The following IL1RAP variants were observed in gnomAD, a reference collection of about 807,000 sequenced individuals.
IL1RAP encodes the protein interleukin-1 receptor accessory protein.
Under a neutral mutation model 60.7 loss-of-function variants are expected in IL1RAP, and 35 were observed. The observed-to-expected ratio is 0.58, with a 90% CI of 0.44 to 0.76. IL1RAP has a LOEUF of 0.76. Ranked by LOEUF, IL1RAP falls within the 30% of genes least tolerant of loss-of-function variation. The pLI is 0.00. For missense variants in IL1RAP, 572 were observed against 693.9 expected (o/e 0.82, Z 1.97); for synonymous variants, 268 against 250.9 (o/e 1.07, Z -0.64).
intron 7 of IL1RAP, among the ~76,000 whole-genome samples, chr3:190,626,150 A>G (rs1732243606): frequency 6.6e-6 from 1 of 152,206 alleles, no homozygotes; most frequent in South Asian, 2.1e-4. Context: ...CTGGGATGGA[A>G]GGTCAGTCTA....
At position 190,608,927 on chromosome 3, in the gene IL1RAP, T is replaced by C. The variant is rs1730589555; in HGVS notation, c.351-68T>C. On this transcript the variant is annotated intron_variant, in intron 4 of 11. Transcript: ENST00000447382. ...ATGTAGCCTGGCTTCACTTAGTTCATTTGAATGTGGTTGCTCTATGAAATC... is the reference window on the plus strand; with the variant it reads ...ATGTAGCCTGGCTTCACTTAGTTCACTTGAATGTGGTTGCTCTATGAAATC... 8.1e-6 allele frequency: 10 copies of C among 1,236,852 alleles called. 1 individual carries two copies. In the South Asian group the frequency reaches 1.1e-4, roughly 14 times the overall value. 76.6% of individuals were successfully genotyped at this position (1,236,852 alleles called of 1,614,324 possible). A position where few individuals can be genotyped will look rare whatever the true frequency, so the allele number is the denominator to read the frequency against.
intron 5 of IL1RAP, among the ~76,000 whole-genome samples, chr3:190,610,362 A>C (rs1164831351): frequency 1.3e-5 from 2 of 152,048 alleles, no homozygotes; most frequent in African/African-American, 4.8e-5. Flanking sequence ...AGAAATATCC[A>C]AAAATTATAT....
intron 4 of IL1RAP, among the ~76,000 whole-genome samples, chr3:190,608,387 A>G (rs1417526598): frequency 6.6e-6 from 1 of 152,190 alleles, no homozygotes; most frequent in African/African-American, 2.4e-5. Context: ...CACAGTTAAC[A>G]TACAATATAA....
intron 1 of IL1RAP, among the ~76,000 whole-genome samples, chr3:190,521,359 A>C (rs10212103): frequency 0.37 from 55,583 of 151,722 alleles, 11,405 homozygotes; most frequent in African/African-American, 0.56. Flanking sequence ...GTTTTACATC[A>C]TGAGTCTCAA....
chr3:190,615,706 C>T (rs1035534116), intron 5 of IL1RAP, among the ~76,000 whole-genome samples: 4 of 68,912 alleles, frequency 5.8e-5, no homozygotes, highest in African/African-American at 1.2e-4. Flanking sequence ...TATATTACCT[C>T]CACTTTTCAT....
intron 11 of IL1RAP, among the ~76,000 whole-genome samples, chr3:190,647,315 A>G (rs1734084996): frequency 6.6e-6 from 1 of 152,180 alleles, no homozygotes; most frequent in Non-Finnish European, 1.5e-5. Flanking sequence ...GGGCAAAATG[A>G]CTTCATAAAG....
intron 3 of IL1RAP, among the ~76,000 whole-genome samples, chr3:190,601,960 C>T (rs949367114): frequency 3.3e-5 from 5 of 152,160 alleles, no homozygotes; most frequent in African/African-American, 9.7e-5. Flanking sequence ...TCGTCACACA[C>T]CACACAATCA....
intron 8 of IL1RAP, 95 bp downstream of exon 8, chr3:190,627,544 T>C: frequency 7.1e-7 from 1 of 1,411,920 alleles, no homozygotes; most frequent in Non-Finnish European, 9.3e-7. Flanking sequence ...AAAATTCTCA[T>C]TTTTCCCTAT....
At chr3:190,630,499 A>G (rs1249925555) in intron 9 of IL1RAP, among the ~76,000 whole-genome samples, 1 of 152,208 alleles carries the variant, frequency 6.6e-6, no homozygotes, top group Admixed American at 6.5e-5. Context: ...TAATTGTTAC[A>G]TTTTACAGAG....
At chr3:190,608,725 A>G (rs28611053) in intron 4 of IL1RAP, among the ~76,000 whole-genome samples, 100,927 of 152,056 alleles carry the variant, frequency 0.66, 34,527 homozygotes, top group East Asian at 0.82. Context: ...ACACATGACT[A>G]TTTATATACA....
At chr3:190,593,624 A>G (rs936254111) in intron 3 of IL1RAP, among the ~76,000 whole-genome samples, 1 of 152,042 alleles carries the variant, frequency 6.6e-6, no homozygotes. Flanking sequence ...GGCAAGAGAG[A>G]CTGTGTGCAG....
At position 190,618,063 on chromosome 3, in the gene IL1RAP, C is replaced by T. The variant is rs76484156; in HGVS notation, c.538-2212C>T. On this transcript the variant is annotated intron_variant, in intron 5 of 11. Coordinates refer to ENST00000447382, the MANE Select transcript of IL1RAP (RefSeq NM_002182.4). ...TTTACCACTGATTGCAGGAATTAGC[C>T]TGTTTTAAGTGATAGAGCCACATCA... is the stretch of plus-strand genomic sequence containing the variant. Among the ~76,000 whole-genome samples, 168 of 152,308 alleles carry T rather than the reference C, an allele frequency of 1.1e-3. 1 individual carries two copies. The highest frequency in any genetic ancestry group is 3.9e-3 in the African/African-American group (162 of 41,550).
Position 190,648,430 on chromosome 3 carries a change from C to T in IL1RAP, c.1438C>T (p.Leu480Phe). 6.2e-7 allele frequency: 1 copy of T among 1,614,152 alleles called. No homozygotes were observed. The highest frequency in any genetic ancestry group is 8.5e-7 in the Non-Finnish European group (1 of 1,180,020). ...CTACGTGCTCCAGGGAACCCAAGCC[C>T]TCCTGGAGCTCAAGGCTGGCCTAGA... Reference protein sequence around the residue: ...PNYVLQGTQALLELKAGLENM... With the variant: ...PNYVLQGTQAFLELKAGLENM... Residue 480 changes from leucine (L) to phenylalanine (F), a missense_variant, in exon 12 of 12, where the codon CTC becomes TTC. Leu to Phe is a conservative substitution (Grantham distance 22). Coordinates refer to ENST00000447382, the MANE Select transcript of IL1RAP (RefSeq NM_002182.4).
intron 1 of IL1RAP, among the ~76,000 whole-genome samples, chr3:190,538,031 C>G (rs1478946889): frequency 2.0e-5 from 3 of 152,124 alleles, no homozygotes; most frequent in Non-Finnish European, 2.9e-5. Flanking sequence ...TCCACTGTCT[C>G]TGTGATTCTT....
chr3:190,654,241 G>C (rs1168386256), downstream of IL1RAP, among the ~76,000 whole-genome samples: 4 of 124,952 alleles, frequency 3.2e-5, no homozygotes, highest in Non-Finnish European at 4.9e-5. Flanking sequence ...ATTTGCATGA[G>C]TTCTCTTTGT....
chr3:190,653,925 G>T (rs1250177337), downstream of IL1RAP, among the ~76,000 whole-genome samples: 2 of 152,012 alleles, frequency 1.3e-5, no homozygotes, highest in African/African-American at 4.8e-5. Context: ...TATAGCCCAG[G>T]ACCTTTCTGA....
chr3:190,655,494 A>T (rs1344096316), downstream of IL1RAP, among the ~76,000 whole-genome samples: 1 of 152,114 alleles, frequency 6.6e-6, no homozygotes, highest in African/African-American at 2.4e-5. Flanking sequence ...ATTTGTAAAC[A>T]GAGCTGAAAT....
At chr3:190,652,405 T>A (rs2108872074), downstream of IL1RAP, among the ~76,000 whole-genome samples, 1 of 150,698 alleles carries the variant, frequency 6.6e-6, no homozygotes, top group South Asian at 2.1e-4. Context: ...GAGATTGCAG[T>A]GAGCTGAGAT....
intron 6 of IL1RAP, among the ~76,000 whole-genome samples, chr3:190,621,916 T>C (rs1378386474): frequency 6.6e-6 from 1 of 152,208 alleles, no homozygotes; most frequent in Non-Finnish European, 1.5e-5. Flanking sequence ...AAAACTCTAC[T>C]CAATGTATTA....
Sources: allele counts gnomAD v4.1 joint callset (sites outside exome capture counted in the v4.1 genomes callset), GRCh38; gene constraint gnomAD v4.1.1; transcripts MANE v1.5; gene names NCBI Gene and HGNC (gene_info 2026-07-23, HGNC 2026-07-21).